The following PTCH1 variants were observed in gnomAD, a reference collection of about 807,000 sequenced individuals.
The protein encoded by PTCH1 is patched 1.
PTCH1 carries 14 observed loss-of-function variants against 144.6 expected under a neutral mutation model. That is an observed-to-expected ratio of 0.10 (90% CI 0.06 to 0.15). The LOEUF is 0.15. PTCH1 is among the 10% of genes least tolerant of loss of function. The pLI is 1.00. For missense variants in PTCH1, 1,623 were observed against 1,948.3 expected (o/e 0.83, Z 3.14); for synonymous variants, 833 against 793.6 (o/e 1.05, Z -0.83).
intron 2 of PTCH1, among the ~76,000 whole-genome samples, chr9:95,504,824 C>A (rs1843438435): frequency 6.6e-6 from 1 of 152,092 alleles, no homozygotes; most frequent in Non-Finnish European, 1.5e-5. Flanking sequence ...AGTCCAAATG[C>A]ATCGAATTCT....
At position 95,506,662 on chromosome 9, in the gene PTCH1, G is replaced by T. The variant is rs897363762; in HGVS notation, c.202-63C>A. On this transcript the variant is annotated intron_variant, in intron 1 of 23. Transcript: ENST00000331920. ...AGTCGCGGCCCGCGCGCCCACGCCC[G>T]CTTGCGCGCACCCGCCCGGTGAGCC... 1.1e-5 allele frequency: 16 copies of T among 1,455,116 alleles called. No individual in the cohort carries two copies. The South Asian group carries it at 2.2e-4, about 20-fold the overall frequency. 90.1% of individuals were successfully genotyped at this position (1,455,116 alleles called of 1,614,324 possible). A position where few individuals can be genotyped will look rare whatever the true frequency, so the allele number is the denominator to read the frequency against.
chr9:95,460,323 A>C (rs1839351123), intron 16 of PTCH1, among the ~76,000 whole-genome samples: 1 of 152,128 alleles, frequency 6.6e-6, no homozygotes. Flanking sequence ...GCACACCCTC[A>C]AGCCTCGCCA....
At chr9:95,492,998 T>C (rs1246683550) in intron 2 of PTCH1, among the ~76,000 whole-genome samples, 1 of 152,150 alleles carries the variant, frequency 6.6e-6, no homozygotes, top group Non-Finnish European at 1.5e-5. Flanking sequence ...TTAAGCCAAT[T>C]CTTTGAAAGG....
intron 1 of PTCH1, chr9:95,507,397 C>T (rs1371670232): frequency 2.0e-5 from 20 of 985,418 alleles, no homozygotes; most frequent in Non-Finnish European, 2.3e-5. Context: ...CCGGCGGGCC[C>T]CCGTCTGGGT....
Position 95,453,475 on chromosome 9 carries a change from T to C in PTCH1, c.3449+3A>G, listed in dbSNP as rs201942643. On this transcript the variant is annotated splice_donor_region_variant and intron_variant, in intron 20 of 23. Coordinates refer to ENST00000331920, the MANE Select transcript of PTCH1 (RefSeq NM_000264.5). ...ACATGTCTCCTTGCACACGCCTGCT[T>C]ACCTGACAATGAAGTCGAACTCAGA... 6.2e-7 allele frequency: 1 copy of C among 1,614,074 alleles called. No homozygotes were observed. The highest frequency in any genetic ancestry group is 8.5e-7 in the Non-Finnish European group (1 of 1,180,030).
Position 95,447,449 on chromosome 9 carries a change from C to T in PTCH1, c.3807G>A (p.Val1269=). 2 of 1,580,674 alleles carry T rather than the reference C, an allele frequency of 1.3e-6. No individual in the cohort carries two copies. Among genetic ancestry groups the T allele is most frequent in the Non-Finnish European group, 1.7e-6 (2 of 1,166,386 alleles). The change falls in exon 23 of 24, where the codon GTG becomes GTA. Residue 1269 remains valine (V), a splice_region_variant and synonymous_variant. Transcript: ENST00000331920. ...GGTGATGCCTGGATTCGGGATGGAC[C>T]ACCTGCAGAGGGTGAGGGTGGGTTA... ...TENPVFAHST[V]VHPESRHHPP... is the part of the protein sequence containing the mutation.
In PTCH1 at chr9:95,479,078, G is replaced by A. The variant is rs587780690; in HGVS notation, c.1137C>T (p.Tyr379=). The part of the protein sequence containing the change: ...PKQMYEHFKG[Y]EYVSHINWNE... ...TCCAGTTGATGTGTGAGACATACTC[G>A]TACCCCTTGAAGTGCTCGTACATTT... The change falls in exon 8 of 24, where the codon TAC becomes TAT. Residue 379 remains tyrosine, a synonymous_variant. Transcript: ENST00000331920. 8.9e-5 allele frequency: 144 copies of A among 1,614,000 alleles called. No individual in the cohort carries two copies. The East Asian group carries it at 2.9e-3, about 32-fold the overall frequency.
intron 15 of PTCH1, among the ~76,000 whole-genome samples, chr9:95,463,274 C>T (rs577581912): frequency 5.3e-5 from 8 of 151,790 alleles, no homozygotes; most frequent in South Asian, 2.1e-4. Context: ...CTCTAAGAAG[C>T]GAAACCCTCC....
rs554363885 is a variant in PTCH1 at position 95,487,899 on chromosome 9, C to G, written c.395-2025G>C. On this transcript the variant is annotated intron_variant, in intron 2 of 23. Transcript: ENST00000331920. The stretch of plus-strand genomic sequence containing the variant: ...CACCCCCCACCCTTATTATGGTGAC[C>G]TAGGTGCCGTTATAGTGAGGAGCAG... 4.6e-5 allele frequency among the ~76,000 whole-genome samples: 7 copies of G among 152,322 alleles called. No homozygotes were observed. In the East Asian group the frequency reaches 1.3e-3, roughly 29 times the overall value.
At chr9:95,451,107 G>A (rs1838422688) in intron 20 of PTCH1, 1 of 152,028 alleles carries the variant, frequency 6.6e-6, no homozygotes, top group African/African-American at 2.4e-5. Context: ...CAGATGAAAG[G>A]AGAGAGAATC....
rs1282207631 is a variant in PTCH1 at position 95,485,679 on chromosome 9, C to T, written c.584+6G>A. ...CTCATTAGTAGGTGGACGCGGCGGG[C>T]CTTACCTGTTGTACATGTATACATG... On this transcript the variant is annotated splice_donor_region_variant and intron_variant, in intron 3 of 23. Transcript: ENST00000331920. 2.5e-6 allele frequency: 4 copies of T among 1,613,922 alleles called. No homozygotes were observed. Among genetic ancestry groups the T allele is most frequent in the Non-Finnish European group, 3.4e-6 (4 of 1,179,938 alleles).
intron 1 of PTCH1, chr9:95,507,334 G>A (rs1454931155): frequency 1.0e-6 from 1 of 985,440 alleles, no homozygotes; most frequent in African/African-American, 1.7e-5. Flanking sequence ...GAAGGGCTCA[G>A]GCCGGCGCAG....
Position 95,459,582 on chromosome 9 carries a change from C to A in PTCH1, c.2887+18G>T. On this transcript the variant is annotated intron_variant, in intron 17 of 23. Transcript: ENST00000331920. ...CACCTCTGTAAGTTCCCAGACCTCC[C>A]GATAAAACGCTACTTACTTCTCAGC... 6.2e-7 allele frequency: 1 copy of A among 1,612,730 alleles called. No homozygotes were observed. Among genetic ancestry groups the A allele is most frequent in the Non-Finnish European group, 8.5e-7 (1 of 1,179,932 alleles).
In PTCH1 at chr9:95,443,271, TAA is replaced by T. The variant is rs1837624090; in HGVS notation, c.*3120_*3121del. On this transcript the variant is annotated 3_prime_UTR_variant, in exon 24 of 24. Coordinates refer to ENST00000331920, the MANE Select transcript of PTCH1 (RefSeq NM_000264.5). ...ATACAAAACAAAAAGGAGGAAAACC[TAA>T]AACTCTCTCCATCAGATAGAGCAAA... 1 of 152,134 alleles carries T rather than the reference TAA, an allele frequency of 6.6e-6. No individual in the cohort carries two copies. Among genetic ancestry groups the T allele is most frequent in the African/African-American group, 2.4e-5 (1 of 41,418 alleles). The allele number at this position is 152,134 out of a possible 1,614,324, so 9.4% of individuals were successfully genotyped here.
rs1242457708 is a variant in PTCH1 at position 95,444,116 on chromosome 9, T to A, written c.*2277A>T. 1.3e-5 allele frequency: 2 copies of A among 152,396 alleles called. No homozygotes were observed. The highest frequency in any genetic ancestry group is 2.9e-5 in the Non-Finnish European group (2 of 68,014). 9.4% of individuals were successfully genotyped at this position (152,396 alleles called of 1,614,324 possible). ...AAATATCAGCAAAGTTTTTTTTTTT[T>A]TAAAAATTAAAACATCCAAATGAAC... On this transcript the variant is annotated 3_prime_UTR_variant, in exon 24 of 24. Coordinates refer to ENST00000331920, the MANE Select transcript of PTCH1 (RefSeq NM_000264.5).
chr9:95,506,624 G>A (rs747534052), intron 1 of PTCH1, 25 bp from the exon 2 acceptor site: 1 of 1,573,912 alleles, frequency 6.4e-7, no homozygotes, highest in South Asian at 1.1e-5. Flanking sequence ...GAAGGGAGGA[G>A]TGAGCGCCGG....
intron 1 of PTCH1, 44 bp downstream of exon 1, chr9:95,508,117 T>TA (rs1843877866): frequency 6.2e-7 from 1 of 1,606,238 alleles, no homozygotes; most frequent in Admixed American, 1.7e-5. Context: ...CCCAAAGAGT[T>TA]AGAGGAGGGA....
chr9:95,471,876 A>T (rs1840618681), intron 12 of PTCH1, among the ~76,000 whole-genome samples: 1 of 152,222 alleles, frequency 6.6e-6, no homozygotes, highest in Non-Finnish European at 1.5e-5. Context: ...CATCTCTACT[A>T]AAAACACAAA....
chr9:95,514,425 T>C (rs1274065254), intron 1 of PTCH1: 1 of 152,224 alleles, frequency 6.6e-6, no homozygotes, highest in Non-Finnish European at 1.5e-5. Context: ...AAAAAGAAGC[T>C]GAGCAACATG....
Sources: gnomAD v4.1 joint callset for allele counts (sites outside exome capture counted in the v4.1 genomes callset) on GRCh38, gnomAD v4.1.1 for gene constraint, MANE v1.5 for transcripts, NCBI Gene and HGNC (gene_info 2026-07-23, HGNC 2026-07-21) for gene names.